Variants in LEAP2 observed in about 807,000 individuals in gnomAD.
The protein encoded by LEAP2 is liver enriched antimicrobial peptide 2, also known as liver-expressed antimicrobial peptide 2.
LEAP2 carries 13 observed loss-of-function variants against 9.3 expected under a neutral mutation model. That is an observed-to-expected ratio of 1.39 (90% confidence interval 0.91 to 2.21). The LOEUF (loss-of-function observed/expected upper bound fraction) is 2.21, where lower values mean the gene tolerates loss of function less well. Among genes scored for constraint, LEAP2 ranks in the 30% most tolerant of loss-of-function variants. LEAP2 has a pLI of 0.00. For synonymous variants in LEAP2, 34 were observed against 34.9 expected (o/e 0.98, Z 0.09); for missense variants, 98 against 94.0 (o/e 1.04, Z -0.17).
At position 132,874,460 on chromosome 5, in the gene LEAP2, G is replaced by C; in HGVS notation, c.*14G>C. 1 of 1,611,444 alleles carries C rather than the reference G, an allele frequency of 6.2e-7. No homozygotes were observed. Among genetic ancestry groups the C allele is most frequent in the Non-Finnish European group, 8.5e-7 (1 of 1,177,602 alleles). On this transcript the variant is annotated 3_prime_UTR_variant, in exon 3 of 3. Transcript: ENST00000296877. ...GCCCAGGAATGATGTACATACCAGG[G>C]AAAGAAAGGACAGCAGTCACCTCCG...
In LEAP2 at chr5:132,874,366, T is replaced by C. The variant is rs1204058609; in HGVS notation, c.198-44T>C. On this transcript the variant is annotated intron_variant, in intron 2 of 2. Coordinates refer to ENST00000296877, the MANE Select transcript of LEAP2 (RefSeq NM_052971.3). ...AATGCAGCATAGGTGGCCCTGGTCA[T>C]TCCTAGACCCAGTCTTAAAAAACTA... The C allele has an allele frequency of 1.9e-6, 3 of 1,557,500 alleles. No homozygotes were observed. The Admixed American group carries it at 5.0e-5, about 26-fold the overall frequency.
rs764108235 is a variant in LEAP2 at position 132,874,088 on chromosome 5, A to G, written c.196A>G (p.Arg66Gly). Residue 66 changes from arginine to glycine, a missense_variant and splice_region_variant, in exon 2 of 3, where the codon AGA becomes GGA. By Grantham distance (125) the Arg-to-Gly change is moderately radical. Transcript: ENST00000296877. Reference sequence around the variant, plus strand: ...TTCTGAGTGTATCACAAGGCTATGCAGGTACTCCCTGAACCTGGGAGCAGG... The same window carrying G: ...TTCTGAGTGTATCACAAGGCTATGCGGGTACTCCCTGAACCTGGGAGCAGG... ...DDSECITRLC[R>G]KRRCSLSVAQ... 3.1e-6 allele frequency: 5 copies of G among 1,611,948 alleles called. No homozygotes were observed. In the East Asian group the frequency reaches 8.9e-5, roughly 29 times the overall value.
rs1759783568 is a variant in LEAP2, at chr5:132,874,150, G to A, written c.197+61G>A. ...GAGCCCTGGGAAGCTGGGCAGAGGAGTGACAAGGGGACACATGAACCTAAG... is the reference window on the plus strand; with the variant it reads ...GAGCCCTGGGAAGCTGGGCAGAGGAATGACAAGGGGACACATGAACCTAAG... On this transcript the variant is annotated intron_variant, in intron 2 of 2. Coordinates refer to ENST00000296877, the MANE Select transcript of LEAP2 (RefSeq NM_052971.3). 5.9e-6 allele frequency: 9 copies of A among 1,527,964 alleles called. No individual in the cohort carries two copies. The South Asian group carries it at 9.4e-5, about 16-fold the overall frequency. 94.7% of individuals were successfully genotyped at this position (1,527,964 alleles called of 1,614,324 possible).
At position 132,873,703 on chromosome 5, in the gene LEAP2, C is replaced by T; in HGVS notation, c.9C>T (p.His3=). 6.2e-7 allele frequency: 1 copy of T among 1,614,034 alleles called. No homozygotes were observed. The highest frequency in any genetic ancestry group is 8.5e-7 in the Non-Finnish European group (1 of 1,179,922). Residue 3 remains histidine, a synonymous_variant, in exon 1 of 3, where the codon CAC becomes CAT. Transcript: ENST00000296877. MW[H]LKLCAVLMIF... is the part of the protein sequence containing the mutation. ...ATCCTCCCCCTGTCAAGATGTGGCA[C>T]CTCAAACTTTGTGCAGTCCTCATGA...
Position 132,874,107 on chromosome 5 carries a change from G to C in LEAP2, c.197+18G>C. 6.2e-7 allele frequency: 1 copy of C among 1,607,004 alleles called. No homozygotes were observed. The highest frequency in any genetic ancestry group is 1.3e-5 in the African/African-American group (1 of 74,856). On this transcript the variant is annotated intron_variant, in intron 2 of 2. Transcript: ENST00000296877. ...CTATGCAGGTACTCCCTGAACCTGG[G>C]AGCAGGGTTGGGCCAGAGAGCCCTG...
rs1759791944 is a variant in LEAP2 at position 132,874,671 on chromosome 5, G to T, written c.*225G>T. 2 of 622,460 alleles carry T rather than the reference G, an allele frequency of 3.2e-6. No homozygotes were observed. Among genetic ancestry groups the T allele is most frequent in the East Asian group, 5.6e-5 (2 of 35,548 alleles). The allele number at this position is 622,460 out of a possible 1,614,324, so 38.6% of individuals were successfully genotyped here. On this transcript the variant is annotated 3_prime_UTR_variant, in exon 3 of 3. Coordinates refer to ENST00000296877, the MANE Select transcript of LEAP2 (RefSeq NM_052971.3). ...GTCAATTTAGAGTTTATTTTTCTATGGATACTATTAAATGTCTCAAATTGA... is the reference window on the plus strand; with the variant it reads ...GTCAATTTAGAGTTTATTTTTCTATTGATACTATTAAATGTCTCAAATTGA...
At position 132,875,021 on chromosome 5, in the gene LEAP2, ACT is replaced by A. The variant is rs1411091553; in HGVS notation, c.*578_*579del. On this transcript the variant is annotated 3_prime_UTR_variant, in exon 3 of 3. Coordinates refer to ENST00000296877, the MANE Select transcript of LEAP2 (RefSeq NM_052971.3). ...ACCCCAGCCTGGGTGACATAGAGAG[ACT>A]CTGTCTCAAAAAAAAAAAAAAAAAA... The A allele has an allele frequency of 2.1e-5, 2 of 95,498 alleles. No individual in the cohort carries two copies. Among genetic ancestry groups the A allele is most frequent in the African/African-American group, 9.3e-5 (2 of 21,444 alleles). 5.9% of individuals were successfully genotyped at this position (95,498 alleles called of 1,614,324 possible).
chr5:132,873,999 G>A lies in LEAP2; in HGVS notation c.107G>A (p.Arg36Gln), dbSNP rs189338114. 1.1e-4 allele frequency: 179 copies of A among 1,614,124 alleles called. No individual in the cohort carries two copies. The highest frequency in any genetic ancestry group is 7.6e-4 in the East Asian group (34 of 44,882). ...GTGAGTTCGGCAAAGAGAAGGCCAC[G>A]GAGAATGACCCCATTTTGGAGAGGG... Reference protein sequence around the residue: ...PEVSSAKRRPRRMTPFWRGVS... With the variant: ...PEVSSAKRRPQRMTPFWRGVS... Residue 36 changes from arginine to glutamine, a missense_variant, in exon 2 of 3, where the codon CGG becomes CAG. Physicochemically the swap from Arg to Gln is conservative, Grantham distance 43 (BLOSUM62 1). Transcript: ENST00000296877.
At chr5:132,874,316 G>A (rs978006329) in intron 2 of LEAP2, 94 bp from the exon 3 acceptor site, 2 of 1,174,826 alleles carry the variant, frequency 1.7e-6, no homozygotes, top group Admixed American at 3.4e-5. Context: ...TCCTGAGACT[G>A]GACAGATCAA....
At chr5:132,874,273 T>G (rs1759785199) in intron 2 of LEAP2, 137 bp from the exon 3 acceptor site, 2 of 974,004 alleles carry the variant, frequency 2.1e-6, no homozygotes, top group Middle Eastern at 2.9e-4. Context: ...GTGGGTACCA[T>G]GAAAGAGTGG....
chr5:132,873,932 A>T lies in LEAP2; in HGVS notation c.58-18A>T, dbSNP rs1398214163. The stretch of plus-strand genomic sequence containing the variant: ...AGGGTGTCAACACTTTCATATCTGA[A>T]TGTCTTTGCCCTTACAGATAGATGG... On this transcript the variant is annotated intron_variant, in intron 1 of 2. Transcript: ENST00000296877. 25 of 1,613,146 alleles carry T rather than the reference A, an allele frequency of 1.5e-5. No individual in the cohort carries two copies. The highest frequency in any genetic ancestry group is 2.0e-5 in the Non-Finnish European group (24 of 1,179,342).
chr5:132,873,854 C>T, intron 1 of LEAP2, 96 bp from the exon 2 acceptor site: 1 of 1,587,544 alleles, frequency 6.3e-7, no homozygotes, highest in Non-Finnish European at 8.6e-7. Context: ...TTCCTCTGTT[C>T]TGAGTCTACA....
Position 132,874,096 on chromosome 5 carries a change from C to G in LEAP2, c.197+7C>G. On this transcript the variant is annotated splice_region_variant and intron_variant, in intron 2 of 2. Coordinates refer to ENST00000296877, the MANE Select transcript of LEAP2 (RefSeq NM_052971.3). ...GTATCACAAGGCTATGCAGGTACTC[C>G]CTGAACCTGGGAGCAGGGTTGGGCC... 1 of 1,609,358 alleles carries G rather than the reference C, an allele frequency of 6.2e-7. No individual in the cohort carries two copies. Among genetic ancestry groups the G allele is most frequent in the Non-Finnish European group, 8.5e-7 (1 of 1,176,758 alleles).
At position 132,874,521 on chromosome 5, in the gene LEAP2, A is replaced by C; in HGVS notation, c.*75A>C. 1 of 1,379,532 alleles carries C rather than the reference A, an allele frequency of 7.2e-7. No homozygotes were observed. The highest frequency in any genetic ancestry group is 1.0e-6 in the Non-Finnish European group (1 of 968,084). The allele number at this position is 1,379,532 out of a possible 1,614,324, so 85.5% of individuals were successfully genotyped here. Reference sequence around the variant, plus strand: ...GTTCTATGGAATATTGATTAACTGCATTTTGGCTGGAGACACCCAAGTGAA... The same window carrying C: ...GTTCTATGGAATATTGATTAACTGCCTTTTGGCTGGAGACACCCAAGTGAA... On this transcript the variant is annotated 3_prime_UTR_variant, in exon 3 of 3. Coordinates refer to ENST00000296877, the MANE Select transcript of LEAP2 (RefSeq NM_052971.3).
chr5:132,874,067 G>A lies in LEAP2; in HGVS notation c.175G>A (p.Glu59Lys), dbSNP rs1328535117. The change falls in exon 2 of 3, where the codon GAG becomes AAG. Residue 59 changes from glutamate to lysine, a missense_variant. Glu to Lys is a moderately conservative substitution (Grantham distance 56). Coordinates refer to ENST00000296877, the MANE Select transcript of LEAP2 (RefSeq NM_052971.3). ...PIGASCRDDS[E>K]CITRLCRKRR... ...TGGAGCCTCCTGCCGGGATGATTCT[G>A]AGTGTATCACAAGGCTATGCAGGTA... 1 of 1,613,980 alleles carries A rather than the reference G, an allele frequency of 6.2e-7. No individual in the cohort carries two copies. The highest frequency in any genetic ancestry group is 8.5e-7 in the Non-Finnish European group (1 of 1,179,956).
chr5:132,873,779 TGTGTGGA>T (rs1165979901), intron 1 of LEAP2, 28 bp downstream of exon 1: 10 of 1,602,490 alleles, frequency 6.2e-6, no homozygotes, highest in Non-Finnish European at 8.6e-6. Flanking sequence ...CTTATGTGTG[TGTGTGGA>T]GTGTGGAGAT....
chr5:132,874,211 T>C, intron 2 of LEAP2, 122 bp downstream of exon 2: 1 of 1,157,916 alleles, frequency 8.6e-7, no homozygotes, highest in Non-Finnish European at 1.2e-6. Flanking sequence ...AGACTGAGAC[T>C]GGGAGCTCCA....
chr5:132,873,862 A>G (rs1759775744), intron 1 of LEAP2, 88 bp from the exon 2 acceptor site: 1 of 1,590,612 alleles, frequency 6.3e-7, no homozygotes, highest in Non-Finnish European at 8.6e-7. Context: ...TTCTGAGTCT[A>G]CAGCATCTGC....
Position 132,873,981 on chromosome 5 carries a change from C to T in LEAP2, c.89C>T (p.Ser30Leu), listed in dbSNP as rs771383357. The change falls in exon 2 of 3, where the codon TCG (serine) becomes TTG (leucine). Residue 30 changes from serine (S) to leucine (L), a missense_variant. Coordinates refer to ENST00000296877, the MANE Select transcript of LEAP2 (RefSeq NM_052971.3). ...GGCTCCCCAATACCAGAAGTGAGTT[C>T]GGCAAAGAGAAGGCCACGGAGAATG... ...IDGSPIPEVS[S>L]AKRRPRRMTP... 1.9e-5 allele frequency: 30 copies of T among 1,613,968 alleles called. No homozygotes were observed. The highest frequency in any genetic ancestry group is 2.7e-5 in the African/African-American group (2 of 74,898).
Sources: allele counts gnomAD v4.1 joint callset, GRCh38; gene constraint gnomAD v4.1.1; transcripts MANE v1.5; gene names NCBI Gene and HGNC (gene_info 2026-07-23, HGNC 2026-07-21).